FGD4: variants seen among roughly 807,000 people sequenced by gnomAD.
FGD4 encodes FYVE, RhoGEF and PH domain-containing protein 4.
A neutral mutation model predicts 102.0 loss-of-function variants in FGD4; 42 were observed. The ratio of observed to expected loss-of-function variants is 0.41; its 90% CI spans 0.32 to 0.53. The LOEUF (loss-of-function observed/expected upper bound fraction) is 0.53, where lower values mean the gene tolerates loss of function less well. Among genes scored for constraint, FGD4 ranks in the 20% least tolerant of loss-of-function variants. The pLI, the probability that FGD4 is intolerant of heterozygous loss-of-function variation, is 0.21. For synonymous variants in FGD4, 380 were observed against 375.7 expected, an observed-to-expected ratio of 1.01 and a Z score of -0.13; for missense variants, 902 against 1,078.2, an observed-to-expected ratio of 0.84 and a Z score of 2.29.
chr12:32,570,208 TCCAGCCTGG>T (rs1945527648), intron 2 of FGD4, among the ~76,000 whole-genome samples: 1 of 121,378 alleles, frequency 8.2e-6, no homozygotes, highest in Non-Finnish European at 1.6e-5. Flanking sequence ...GCCATTGCAC[TCCAGCCTGG>T]GCGATGGGGC....
chr12:32,460,511 AAAAAG>A (rs1943074836), intron 1 of FGD4, among the ~76,000 whole-genome samples: 1 of 151,964 alleles, frequency 6.6e-6, no homozygotes, highest in African/African-American at 2.4e-5. Context: ...TCAAAAAAAA[AAAAAG>A]AAGAAGAAAA....
chr12:32,625,217 C>A, intron 13 of FGD4, 149 bp downstream of exon 13: 5 of 571,996 alleles, frequency 8.7e-6, no homozygotes, highest in Non-Finnish European at 1.3e-5. Flanking sequence ...TAGATGAACA[C>A]AATAGTGAGT....
chr12:32,401,449 G>C (rs1231489504), intron 1 of FGD4, among the ~76,000 whole-genome samples: 1 of 151,866 alleles, frequency 6.6e-6, no homozygotes, highest in Non-Finnish European at 1.5e-5. Context: ...TAGTAGATAC[G>C]GGGGTTTCAC....
At chr12:32,579,981 A>G (rs1031718077) in intron 3 of FGD4, among the ~76,000 whole-genome samples, 2 of 152,144 alleles carry the variant, frequency 1.3e-5, no homozygotes, top group African/African-American at 4.8e-5. Context: ...TGTCCTTGGG[A>G]CCAGGCTGCT....
rs1947666092 is a variant in FGD4, at chr12:32,593,816, T to A, written c.1012-4681T>A. Reference sequence around the variant, plus strand: ...AATCAGAACATAGGATATGAGTGAGTCAAAACGATACATCAGCACTATCAG... The same window carrying A: ...AATCAGAACATAGGATATGAGTGAGACAAAACGATACATCAGCACTATCAG... On this transcript the variant is annotated intron_variant, in intron 4 of 16. Coordinates refer to ENST00000534526, the MANE Select transcript of FGD4 (RefSeq NM_001370298.3). Among the ~76,000 whole-genome samples, 4 of 152,108 alleles carry A rather than the reference T, an allele frequency of 2.6e-5. No individual in the cohort carries two copies. In the South Asian group the frequency reaches 8.3e-4, roughly 31 times the overall value.
At chr12:32,589,226 A>G (rs1947282122) in intron 4 of FGD4, among the ~76,000 whole-genome samples, 1 of 152,238 alleles carries the variant, frequency 6.6e-6, no homozygotes, top group Admixed American at 6.5e-5. Context: ...ATCAAGATCA[A>G]TAGACTCAAA....
intron 1 of FGD4, chr12:32,502,112 G>A (rs1938261913): frequency 1.0e-6 from 1 of 985,406 alleles, no homozygotes; most frequent in Non-Finnish European, 1.2e-6. Flanking sequence ...CCTTAGGAGG[G>A]CTGGTTACCA....
Position 32,598,550 on chromosome 12 carries a change from AAG to A in FGD4, c.1068_1069del (p.Arg356SerfsTer7). The A allele has an allele frequency of 6.2e-7, 1 of 1,613,602 alleles. No individual in the cohort carries two copies. Among genetic ancestry groups the A allele is most frequent in the Non-Finnish European group, 8.5e-7 (1 of 1,179,892 alleles). The stretch of plus-strand genomic sequence containing the variant: ...TAGCCAATGAACTTTTGCTTACTGA[AAG>A]AGCTTATGTCAACCGACTTGACCTC... ...KIANELLLTERAYVNRLDLLD... is the reference protein window; with the variant it reads ...KIANELLLTEXAYVNRLDLLD... On this transcript the variant is annotated frameshift_variant, in exon 5 of 17. Coordinates refer to ENST00000534526, the MANE Select transcript of FGD4 (RefSeq NM_001370298.3). LOFTEE classifies it high-confidence loss of function.
At chr12:32,531,706 T>C (rs912858867) in intron 1 of FGD4, among the ~76,000 whole-genome samples, 3 of 152,248 alleles carry the variant, frequency 2.0e-5, no homozygotes, top group Admixed American at 1.3e-4. Flanking sequence ...TAGTTTTGGA[T>C]GATTATGAAT....
chr12:32,483,724 C>T (rs140355810), intron 1 of FGD4, among the ~76,000 whole-genome samples: 1 of 152,282 alleles, frequency 6.6e-6, no homozygotes, highest in Non-Finnish European at 1.5e-5. Flanking sequence ...GACATCTTCA[C>T]TCCAGCCTGT....
intron 1 of FGD4, 103 bp from the exon 2 acceptor site, chr12:32,564,034 G>GGAGGGGGAGGGA: frequency 1.9e-6 from 2 of 1,062,314 alleles, no homozygotes; most frequent in East Asian, 2.7e-5. Flanking sequence ...AGAGGGAGGG[G>GGAGGGGGAGGGA]GAGGGGGAGG....
In FGD4 at chr12:32,645,576, C is replaced by A. The variant is rs1376562672; in HGVS notation, c.*5043C>A. 6.6e-6 allele frequency: 1 copy of A among 152,248 alleles called. No homozygotes were observed. The highest frequency in any genetic ancestry group is 1.9e-4 in the East Asian group (1 of 5,190). 9.4% of individuals were successfully genotyped at this position (152,248 alleles called of 1,614,324 possible). Reference sequence around the variant, plus strand: ...GGGAGGCCGAGGAGTTCGAGACCAGCCTGGCCAACATGGCAAAACCCTGTC... The same window carrying A: ...GGGAGGCCGAGGAGTTCGAGACCAGACTGGCCAACATGGCAAAACCCTGTC... On this transcript the variant is annotated 3_prime_UTR_variant, in exon 17 of 17. Coordinates refer to ENST00000534526, the MANE Select transcript of FGD4 (RefSeq NM_001370298.3).
intron 1 of FGD4, among the ~76,000 whole-genome samples, chr12:32,552,434 ATTTTTTTTT>A (rs66646521): frequency 2.9e-4 from 35 of 121,000 alleles, no homozygotes; most frequent in South Asian, 8.8e-4. Context: ...TAATTTTTGC[ATTTTTTTTT>A]TTTTTTTTTT....
At chr12:32,438,994 CAT>C (rs1465054162) in intron 1 of FGD4, among the ~76,000 whole-genome samples, 1 of 152,148 alleles carries the variant, frequency 6.6e-6, no homozygotes, top group Non-Finnish European at 1.5e-5. Context: ...AGCTAATTAA[CAT>C]ATGTATTACC....
chr12:32,404,625 T>C (rs1302498877), intron 1 of FGD4, among the ~76,000 whole-genome samples: 6 of 152,202 alleles, frequency 3.9e-5, no homozygotes, highest in Non-Finnish European at 8.8e-5. Context: ...TTCTTAAGGT[T>C]TTCCAGGGCT....
At chr12:32,576,149 C>T in intron 2 of FGD4, 117 bp from the exon 3 acceptor site, 4 of 1,044,556 alleles carry the variant, frequency 3.8e-6, no homozygotes, top group Non-Finnish European at 5.5e-6. Flanking sequence ...AATTTGACAC[C>T]TGCCCCCTTT....
At position 32,620,522 on chromosome 12, in the gene FGD4, T is replaced by TTCTTTCTTTC. The variant is rs1249859594; in HGVS notation, c.1922+653_1922+654insCTTTCTTTCT. Among the ~76,000 whole-genome samples the TTCTTTCTTTC allele has an allele frequency of 7.9e-3, 378 of 47,916 alleles. 18 individuals are homozygous for TTCTTTCTTTC. The highest frequency in any genetic ancestry group is 0.045 in the African/African-American group (356 of 7,834). 31.4% of individuals were successfully genotyped at this position (47,916 alleles called of 152,430 possible). ...AGCCATAACCATTTTTTTTCTTTCT[T>TTCTTTCTTTC]TTTTTTTTTTTTTTTTTTTTTGAGA... On this transcript the variant is annotated intron_variant, in intron 11 of 16. Coordinates refer to ENST00000534526, the MANE Select transcript of FGD4 (RefSeq NM_001370298.3).
chr12:32,541,788 C>G (rs1262978913), intron 1 of FGD4, among the ~76,000 whole-genome samples: 3 of 152,144 alleles, frequency 2.0e-5, no homozygotes, highest in African/African-American at 7.2e-5. Flanking sequence ...TACCAACCAT[C>G]AAAAAGAAGA....
chr12:32,423,867 T>C (rs928269023), intron 1 of FGD4, among the ~76,000 whole-genome samples: 18 of 150,976 alleles, frequency 1.2e-4, no homozygotes, highest in Non-Finnish European at 2.1e-4. Context: ...GAGTGTTTTT[T>C]TTTTTTTCTT....
Sources: gnomAD v4.1 joint callset for allele counts (sites outside exome capture counted in the v4.1 genomes callset) on GRCh38, gnomAD v4.1.1 for gene constraint, MANE v1.5 for transcripts, NCBI Gene and HGNC (gene_info 2026-07-23, HGNC 2026-07-21) for gene names.